The following SLC30A7 variants were observed in gnomAD, a reference collection of about 807,000 sequenced individuals.
The protein encoded by SLC30A7 is solute carrier family 30 member 7.
Under a neutral mutation model 46.0 loss-of-function variants are expected in SLC30A7, and 35 were observed. The observed-to-expected ratio is 0.76, with a 90% CI of 0.58 to 1.01. The LOEUF is 1.01. Among genes scored for constraint, SLC30A7 ranks in the 50% least tolerant of loss-of-function variants. The pLI, the probability that SLC30A7 is intolerant of heterozygous loss-of-function variation, is 0.00. For missense variants in SLC30A7, 464 were observed against 451.1 expected, an observed-to-expected ratio of 1.03 and a Z score of -0.26; for synonymous variants, 147 against 157.8, an observed-to-expected ratio of 0.93 and a Z score of 0.51.
rs542493517 is a variant in SLC30A7, at chr1:100,958,471, C to T, written c.843-3357C>T. Reference sequence around the variant, plus strand: ...GATTACAGGCGTGAGCCACCGCACCCGGCCAGTATTTGCATTGTTTAATCT... The same window carrying T: ...GATTACAGGCGTGAGCCACCGCACCTGGCCAGTATTTGCATTGTTTAATCT... On this transcript the variant is annotated intron_variant, in intron 8 of 10. Coordinates refer to ENST00000357650, the MANE Select transcript of SLC30A7 (RefSeq NM_133496.5). 2.0e-4 allele frequency among the ~76,000 whole-genome samples: 30 copies of T among 152,318 alleles called. 2 individuals are homozygous for T. The South Asian group carries it at 4.6e-3, about 23-fold the overall frequency.
At chr1:100,903,507 C>G (rs1651444387) in intron 2 of SLC30A7, among the ~76,000 whole-genome samples, 1 of 152,040 alleles carries the variant, frequency 6.6e-6, no homozygotes, top group East Asian at 1.9e-4. Flanking sequence ...TGCCCCTTAC[C>G]TTGTCCTCAT....
intron 1 of SLC30A7, 109 bp from the exon 2 acceptor site, chr1:100,896,461 G>A: frequency 7.0e-7 from 1 of 1,426,312 alleles, no homozygotes; most frequent in Non-Finnish European, 9.9e-7. Context: ...ACCCCTAGCT[G>A]TGAAGAAAGG....
At chr1:100,927,734 A>T (rs563038177) in intron 8 of SLC30A7, among the ~76,000 whole-genome samples, 1 of 152,282 alleles carries the variant, frequency 6.6e-6, no homozygotes, top group East Asian at 1.9e-4. Context: ...ACAGTGAGAA[A>T]GGGGCAAGGC....
At chr1:100,987,803 A>T in the SLC30A7 span, among the ~76,000 whole-genome samples, 1 of 151,986 alleles carries the variant, frequency 6.6e-6, no homozygotes, top group Non-Finnish European at 1.5e-5. Flanking sequence ...AAGAGTGCTA[A>T]GCTTTGATCT....
intron 8 of SLC30A7, among the ~76,000 whole-genome samples, chr1:100,951,137 G>C (rs1654929261): frequency 1.3e-5 from 2 of 152,178 alleles, no homozygotes; most frequent in Admixed American, 6.5e-5. Flanking sequence ...CCACTTGGCA[G>C]ATATGCAAAG....
chr1:100,970,555 CAG>C, intron 10 of SLC30A7, among the ~76,000 whole-genome samples: 1 of 151,550 alleles, frequency 6.6e-6, no homozygotes, highest in South Asian at 2.1e-4. Flanking sequence ...TTTAAAGTAC[CAG>C]GTTTTCTGTT....
chr1:100,982,979 C>T (rs970926197), downstream of SLC30A7, among the ~76,000 whole-genome samples: 2 of 152,114 alleles, frequency 1.3e-5, no homozygotes, highest in African/African-American at 2.4e-5. Flanking sequence ...AATACTGCAC[C>T]GGCCAATCTT....
chr1:100,918,227 CAT>C lies in SLC30A7; in HGVS notation c.706+102_706+103del, dbSNP rs1652715988. ...GTTTTCCTTTAAGAAAAATATAAAA[CAT>C]AGTGTTTGTGTTTAGTGTTAGCCTT... On this transcript the variant is annotated intron_variant, in intron 7 of 10. Transcript: ENST00000357650. 5.6e-5 allele frequency: 55 copies of C among 990,808 alleles called. 3 individuals are homozygous for C. The South Asian group carries it at 7.4e-4, about 13-fold the overall frequency. 61.4% of individuals were successfully genotyped at this position (990,808 alleles called of 1,614,324 possible). A position where few individuals can be genotyped will look rare whatever the true frequency, so the allele number is the denominator to read the frequency against.
chr1:100,990,435 T>C, the SLC30A7 span: 2 of 1,613,292 alleles, frequency 1.2e-6, no homozygotes, highest in Non-Finnish European at 1.7e-6. Flanking sequence ...TTTGAGATTC[T>C]GAGCTATTTT....
At chr1:100,928,024 A>C (rs1206672302) in intron 8 of SLC30A7, among the ~76,000 whole-genome samples, 1 of 152,208 alleles carries the variant, frequency 6.6e-6, no homozygotes, top group Non-Finnish European at 1.5e-5. Flanking sequence ...TAGCATATAG[A>C]GACCTGATGA....
chr1:100,918,974 T>G (rs1284677121), intron 7 of SLC30A7, among the ~76,000 whole-genome samples: 1 of 152,238 alleles, frequency 6.6e-6, no homozygotes, highest in Non-Finnish European at 1.5e-5. Flanking sequence ...AGTCATAAGT[T>G]GATCATTTTA....
downstream of SLC30A7, among the ~76,000 whole-genome samples, chr1:100,983,101 A>G (rs1657043921): frequency 6.6e-6 from 1 of 152,126 alleles, no homozygotes; most frequent in Admixed American, 6.6e-5. Context: ...TGGCTCCCTA[A>G]TGCTTATCAA....
intron 6 of SLC30A7, 143 bp downstream of exon 6, chr1:100,913,949 A>G (rs986321350): frequency 8.1e-7 from 1 of 1,239,742 alleles, no homozygotes; most frequent in Non-Finnish European, 1.1e-6. Flanking sequence ...TCCCAGGGCT[A>G]GTTTATTTTT....
In SLC30A7 at chr1:100,979,860, G is replaced by A. The variant is rs533312219; in HGVS notation, c.*5003G>A. The A allele has an allele frequency of 6.6e-6, 1 of 152,192 alleles. No individual in the cohort carries two copies. The highest frequency in any genetic ancestry group is 6.5e-5 in the Admixed American group (1 of 15,286). 9.4% of individuals were successfully genotyped at this position (152,192 alleles called of 1,614,324 possible). ...CTGACATCTGCTCTGCTTTGTGTAT[G>A]TAATTCAGCAGTGCTTCAAAGATCC... is the stretch of plus-strand genomic sequence containing the variant. On this transcript the variant is annotated 3_prime_UTR_variant, in exon 11 of 11. Transcript: ENST00000357650.
chr1:100,980,594 T>C lies in SLC30A7; in HGVS notation c.*5737T>C, dbSNP rs1656867524. ...TAGGTAAAACCAGTAATTTACTGTT[T>C]TTTACAGAAGACATCTCAGCATTTC... On this transcript the variant is annotated 3_prime_UTR_variant, in exon 11 of 11. Coordinates refer to ENST00000357650, the MANE Select transcript of SLC30A7 (RefSeq NM_133496.5). 6.6e-6 allele frequency: 1 copy of C among 152,092 alleles called. No homozygotes were observed. Among genetic ancestry groups the C allele is most frequent in the African/African-American group, 2.4e-5 (1 of 41,446 alleles). The allele number at this position is 152,092 out of a possible 1,614,324, so 9.4% of individuals were successfully genotyped here.
At chr1:100,986,030 A>G (rs1234237238), downstream of SLC30A7, among the ~76,000 whole-genome samples, 1 of 152,226 alleles carries the variant, frequency 6.6e-6, no homozygotes, top group Non-Finnish European at 1.5e-5. Flanking sequence ...TGCTTCATCA[A>G]ATAGGATATA....
At chr1:100,918,716 G>C (rs760461635) in intron 7 of SLC30A7, among the ~76,000 whole-genome samples, 1 of 152,054 alleles carries the variant, frequency 6.6e-6, no homozygotes, top group Non-Finnish European at 1.5e-5. Context: ...CTAACACAAA[G>C]CCTATTTTAT....
downstream of SLC30A7, among the ~76,000 whole-genome samples, chr1:100,982,998 T>A (rs1029098438): frequency 6.6e-6 from 1 of 152,014 alleles, no homozygotes; most frequent in African/African-American, 2.4e-5. Flanking sequence ...TTATGTAGAG[T>A]TTTGGCTTTC....
chr1:100,939,296 G>A (rs1486719034), intron 8 of SLC30A7, among the ~76,000 whole-genome samples: 1 of 151,914 alleles, frequency 6.6e-6, no homozygotes, highest in African/African-American at 2.4e-5. Flanking sequence ...GAAAGTTGAT[G>A]GGAAAACTAT....
Sources: gnomAD v4.1 joint callset for allele counts (sites outside exome capture counted in the v4.1 genomes callset) on GRCh38, gnomAD v4.1.1 for gene constraint, MANE v1.5 for transcripts, NCBI Gene and HGNC (gene_info 2026-07-23, HGNC 2026-07-21) for gene names.